Variants in CTNNA2 observed in about 807,000 individuals in gnomAD.
CTNNA2 encodes the protein catenin alpha 2.
Under a neutral mutation model 101.0 loss-of-function variants are expected in CTNNA2, and 42 were observed. The observed-to-expected ratio is 0.42, with a 90% CI of 0.32 to 0.54. The LOEUF is 0.54. Among genes scored for constraint, CTNNA2 ranks in the 20% least tolerant of loss-of-function variants. CTNNA2 has a pLI of 0.14. For missense variants in CTNNA2, 871 were observed against 1,223.1 expected, an observed-to-expected ratio of 0.71 and a Z score of 4.29; for synonymous variants, 450 against 456.4, an observed-to-expected ratio of 0.99 and a Z score of 0.18.
intron 3 of CTNNA2, among the ~76,000 whole-genome samples, chr2:79,760,578 T>C (rs992432649): frequency 6.6e-6 from 1 of 152,162 alleles, no homozygotes; most frequent in African/African-American, 2.4e-5. Flanking sequence ...AAATCTTCTT[T>C]ACTTAAATGT....
intron 7 of CTNNA2, among the ~76,000 whole-genome samples, chr2:80,388,387 C>T (rs940186691): frequency 6.6e-6 from 1 of 152,172 alleles, no homozygotes; most frequent in African/African-American, 2.4e-5. Context: ...TCTTTTTATG[C>T]TCCCCAAAAG....
intron 7 of CTNNA2, among the ~76,000 whole-genome samples, chr2:80,171,280 A>G (rs1705034832): frequency 6.6e-6 from 1 of 152,222 alleles, no homozygotes; most frequent in Admixed American, 6.5e-5. Flanking sequence ...AAGCTGCTGT[A>G]CAGCCCTGAC....
intron 4 of CTNNA2, among the ~76,000 whole-genome samples, chr2:79,380,787 T>C (rs184408636): frequency 1.6e-4 from 25 of 152,320 alleles, no homozygotes; most frequent in Admixed American, 1.4e-3. Context: ...TTTCCTAGTT[T>C]TAGTTTTCCT....
At chr2:79,385,157 T>C (rs1678083269) in intron 4 of CTNNA2, among the ~76,000 whole-genome samples, 1 of 152,210 alleles carries the variant, frequency 6.6e-6, no homozygotes, top group South Asian at 2.1e-4. Flanking sequence ...ATAGTAGTAC[T>C]AGTAAAATTG....
chr2:79,640,070 C>G (rs1254575552), intron 1 of CTNNA2, among the ~76,000 whole-genome samples: 2 of 151,956 alleles, frequency 1.3e-5, no homozygotes, highest in East Asian at 1.9e-4. Flanking sequence ...GTGAAGATCT[C>G]TGTTCCTGAA....
chr2:79,544,378 AACATGGCTT>A (rs1181694110), intron 1 of CTNNA2, among the ~76,000 whole-genome samples: 2 of 152,224 alleles, frequency 1.3e-5, no homozygotes, highest in African/African-American at 2.4e-5. Flanking sequence ...GGAAGCCATG[AACATGGCTT>A]TCTTTTCTTT....
intron 7 of CTNNA2, among the ~76,000 whole-genome samples, chr2:80,271,649 C>T (rs1280062708): frequency 6.6e-6 from 1 of 152,102 alleles, no homozygotes; most frequent in African/African-American, 2.4e-5. Context: ...GTCTCGATCT[C>T]CTGACCTCGT....
intron 13 of CTNNA2, among the ~76,000 whole-genome samples, chr2:80,575,550 T>C (rs946383732): frequency 1.3e-5 from 2 of 152,234 alleles, no homozygotes; most frequent in South Asian, 2.1e-4. Context: ...TTTAGGCCCA[T>C]AAGAAATTAG....
At chr2:79,202,533 A>G (rs1674050886) in intron 2 of CTNNA2, among the ~76,000 whole-genome samples, 1 of 152,032 alleles carries the variant, frequency 6.6e-6, no homozygotes, top group South Asian at 2.1e-4. Context: ...GCGTGAATGC[A>G]CCATATCAGA....
chr2:80,290,538 A>G (rs900303048), intron 7 of CTNNA2, among the ~76,000 whole-genome samples: 6 of 151,884 alleles, frequency 4.0e-5, no homozygotes, highest in African/African-American at 1.5e-4. Flanking sequence ...TATCTAGCTC[A>G]GTGTTTCCCA....
At chr2:80,190,696 C>G (rs1706444907) in intron 7 of CTNNA2, among the ~76,000 whole-genome samples, 1 of 152,174 alleles carries the variant, frequency 6.6e-6, no homozygotes, top group Non-Finnish European at 1.5e-5. Context: ...CTACTGAGGT[C>G]AGTTGCAAAA....
chr2:80,556,173 A>C (rs1281543988), intron 12 of CTNNA2, among the ~76,000 whole-genome samples: 1 of 152,162 alleles, frequency 6.6e-6, no homozygotes, highest in Non-Finnish European at 1.5e-5. Flanking sequence ...TGCTTACTTA[A>C]TTATCTCCAA....
chr2:80,526,612 C>T (rs904597575), intron 9 of CTNNA2, among the ~76,000 whole-genome samples: 2 of 152,134 alleles, frequency 1.3e-5, no homozygotes, highest in African/African-American at 2.4e-5. Flanking sequence ...GGATTACAGA[C>T]GTGAGCCACT....
chr2:79,266,614 G>A lies in CTNNA2; in HGVS notation c.-405-46095G>A, dbSNP rs146587962. Among the ~76,000 whole-genome samples, 15 of 152,210 alleles carry A rather than the reference G, an allele frequency of 9.9e-5. No individual in the cohort carries two copies. In the East Asian group the frequency reaches 2.7e-3, roughly 28 times the overall value. ...TATCTTGAAATGGGGTTGCTTTCAT[G>A]ATGGTTGGCAGCAAGATCTCGGTGG... On this transcript the variant is annotated intron_variant, in intron 2 of 21. Coordinates refer to the CTNNA2 transcript ENST00000466387.
intron 7 of CTNNA2, among the ~76,000 whole-genome samples, chr2:79,996,662 C>T (rs1284403468): frequency 6.6e-6 from 1 of 152,128 alleles, no homozygotes; most frequent in East Asian, 1.9e-4. Context: ...GAATTGAGCC[C>T]CTTTGGAAAA....
chr2:79,966,146 T>C (rs1690040976), intron 7 of CTNNA2, among the ~76,000 whole-genome samples: 1 of 152,152 alleles, frequency 6.6e-6, no homozygotes, highest in Non-Finnish European at 1.5e-5. Context: ...GCAGGTATTT[T>C]ATTTCCTCTA....
chr2:79,474,763 TC>T (rs1671034049), intron 4 of CTNNA2, among the ~76,000 whole-genome samples: 2 of 152,230 alleles, frequency 1.3e-5, no homozygotes, highest in South Asian at 4.1e-4. Context: ...ATTTTACACT[TC>T]CTGTTAAGTC....
intron 9 of CTNNA2, among the ~76,000 whole-genome samples, chr2:80,467,236 A>C (rs762500437): frequency 1.3e-5 from 2 of 152,190 alleles, no homozygotes; most frequent in African/African-American, 2.4e-5. Context: ...TCCATCCTTC[A>C]TGCACAAAGA....
intron 7 of CTNNA2, among the ~76,000 whole-genome samples, chr2:80,024,642 A>G (rs1694821476): frequency 6.6e-6 from 1 of 152,204 alleles, no homozygotes; most frequent in Non-Finnish European, 1.5e-5. Flanking sequence ...TGGTGGGAGC[A>G]GGCTCTGTGT....
Sources: gnomAD v4.1 joint callset for allele counts (sites outside exome capture counted in the v4.1 genomes callset) on GRCh38, gnomAD v4.1.1 for gene constraint, MANE v1.5 for transcripts, NCBI Gene and HGNC (gene_info 2026-07-23, HGNC 2026-07-21) for gene names.